FMNL2: variants seen among roughly 807,000 people sequenced by gnomAD.
The protein encoded by FMNL2 is formin-like protein 2.
FMNL2 carries 51 observed loss-of-function variants against 130.2 expected under a neutral mutation model. That is an observed-to-expected ratio of 0.39 (90% CI 0.31 to 0.49). The LOEUF (loss-of-function observed/expected upper bound fraction) is 0.49. FMNL2 is among the 20% of genes least tolerant of loss of function. FMNL2 has a pLI of 0.85. For synonymous variants in FMNL2, 465 were observed against 467.1 expected, an observed-to-expected ratio of 1.00 and a Z score of 0.06; for missense variants, 977 against 1,316.2, an observed-to-expected ratio of 0.74 and a Z score of 3.99.
At chr2:152,389,654 G>A (rs1684986713) in intron 1 of FMNL2, among the ~76,000 whole-genome samples, 2 of 152,220 alleles carry the variant, frequency 1.3e-5, no homozygotes, top group African/African-American at 4.8e-5. Flanking sequence ...GCAGACCTCA[G>A]GACGTGGATC....
At chr2:152,490,736 GA>G (rs199564236) in intron 1 of FMNL2, among the ~76,000 whole-genome samples, 1,350 of 116,856 alleles carry the variant, frequency 0.012, 6 homozygotes, top group African/African-American at 0.022. Context: ...GGAGTTTAAG[GA>G]AAAAAAAAAA....
intron 1 of FMNL2, among the ~76,000 whole-genome samples, chr2:152,356,969 TTAAA>T (rs1202078627): frequency 6.7e-6 from 1 of 148,920 alleles, no homozygotes; most frequent in Non-Finnish European, 1.5e-5. Context: ...ACGATAAATA[TTAAA>T]TAAGTTTAAT....
intron 1 of FMNL2, among the ~76,000 whole-genome samples, chr2:152,468,816 T>C (rs1471914432): frequency 6.6e-6 from 1 of 152,188 alleles, no homozygotes; most frequent in African/African-American, 2.4e-5. Flanking sequence ...AAGCAAGTGC[T>C]CAAAAGATAA....
intron 1 of FMNL2, among the ~76,000 whole-genome samples, chr2:152,364,441 T>C (rs1683396432): frequency 6.6e-6 from 1 of 152,182 alleles, no homozygotes; most frequent in Non-Finnish European, 1.5e-5. Flanking sequence ...CTTTATTGCC[T>C]GCCTTTGCAT....
intron 1 of FMNL2, among the ~76,000 whole-genome samples, chr2:152,396,058 A>G (rs1685376974): frequency 6.6e-6 from 1 of 152,214 alleles, no homozygotes. Flanking sequence ...GAAGTCTTTA[A>G]CGTGGTTCTG....
In FMNL2 at chr2:152,648,478, T is replaced by C. The variant is rs974824811; in HGVS notation, c.*573T>C. The C allele has an allele frequency of 6.5e-6, 1 of 154,080 alleles. No individual in the cohort carries two copies. Among genetic ancestry groups the C allele is most frequent in the African/African-American group, 2.4e-5 (1 of 41,472 alleles). The allele number at this position is 154,080 out of a possible 1,614,324, so 9.5% of individuals were successfully genotyped here. ...ATCCTTTGTTTCCAGTTTCACATTC[T>C]ACTACTTCTGCGCTAGAGAACGATG... On this transcript the variant is annotated 3_prime_UTR_variant, in exon 26 of 26. Coordinates refer to ENST00000288670, the MANE Select transcript of FMNL2 (RefSeq NM_052905.4).
At chr2:152,335,922 G>A (rs1238996040) in intron 1 of FMNL2, among the ~76,000 whole-genome samples, 1 of 151,566 alleles carries the variant, frequency 6.6e-6, no homozygotes, top group Non-Finnish European at 1.5e-5. Flanking sequence ...TCGGGGTCCC[G>A]GGATGGGGAT....
At chr2:152,450,940 G>A (rs563999541) in intron 1 of FMNL2, among the ~76,000 whole-genome samples, 3 of 152,310 alleles carry the variant, frequency 2.0e-5, no homozygotes, top group South Asian at 4.1e-4. Flanking sequence ...GTGGCAGGTC[G>A]CTGGGTCTCC....
At chr2:152,608,518 T>C (rs1005827138) in intron 10 of FMNL2, among the ~76,000 whole-genome samples, 6 of 149,290 alleles carry the variant, frequency 4.0e-5, no homozygotes, top group South Asian at 2.1e-4. Context: ...TCAAAGTGTG[T>C]GTGTCTATAT....
chr2:152,649,305 G>C lies in FMNL2; in HGVS notation c.*1400G>C, dbSNP rs901236555. On this transcript the variant is annotated 3_prime_UTR_variant, in exon 26 of 26. Transcript: ENST00000288670. ...TCTTTAATTCCCACCTAAGCCTCTG[G>C]GTAATATTGTAAATATTGTTTTAAA... 1 of 152,192 alleles carries C rather than the reference G, an allele frequency of 6.6e-6. No homozygotes were observed. The highest frequency in any genetic ancestry group is 1.5e-5 in the Non-Finnish European group (1 of 67,950). 9.4% of individuals were successfully genotyped at this position (152,192 alleles called of 1,614,324 possible).
intron 1 of FMNL2, among the ~76,000 whole-genome samples, chr2:152,360,344 T>C (rs1469652949): frequency 6.6e-6 from 1 of 152,172 alleles, no homozygotes; most frequent in Non-Finnish European, 1.5e-5. Context: ...CTCTTCTTTT[T>C]CTTTTTTGAC....
At chr2:152,460,516 G>A (rs1450184699) in intron 1 of FMNL2, among the ~76,000 whole-genome samples, 1 of 152,226 alleles carries the variant, frequency 6.6e-6, no homozygotes, top group African/African-American at 2.4e-5. Context: ...GCCAGTATTT[G>A]TTGAATATCT....
At chr2:152,412,174 C>G (rs936057077) in intron 1 of FMNL2, among the ~76,000 whole-genome samples, 4 of 151,810 alleles carry the variant, frequency 2.6e-5, no homozygotes, top group African/African-American at 9.7e-5. Flanking sequence ...TGGCTTTTTC[C>G]TCTTAGTATT....
intron 1 of FMNL2, among the ~76,000 whole-genome samples, chr2:152,430,950 G>A (rs773923214): frequency 6.6e-6 from 1 of 151,884 alleles, no homozygotes; most frequent in Non-Finnish European, 1.5e-5. Flanking sequence ...TATTTTTGCT[G>A]ATTGATGTTT....
rs190940321 is a variant in FMNL2 at position 152,592,109 on chromosome 2, A to G, written c.876+11060A>G. 2.6e-5 allele frequency among the ~76,000 whole-genome samples: 4 copies of G among 152,324 alleles called. No individual in the cohort carries two copies. In the East Asian group the frequency reaches 7.7e-4, roughly 29 times the overall value. ...AGAGCGAGACTTCGTCTCAAAAAAA[A>G]AGAAAAGATAACTCATGATTTCCGT... is the stretch of plus-strand genomic sequence containing the variant. On this transcript the variant is annotated intron_variant, in intron 9 of 25. Coordinates refer to ENST00000288670, the MANE Select transcript of FMNL2 (RefSeq NM_052905.4).
intron 1 of FMNL2, among the ~76,000 whole-genome samples, chr2:152,369,266 C>T (rs1683735996): frequency 6.6e-6 from 1 of 152,186 alleles, no homozygotes; most frequent in Non-Finnish European, 1.5e-5. Context: ...TCACTAATTG[C>T]TTCCTATCAC....
intron 1 of FMNL2, among the ~76,000 whole-genome samples, chr2:152,397,751 A>C (rs1362745348): frequency 2.0e-5 from 3 of 152,090 alleles, no homozygotes; most frequent in Admixed American, 2.0e-4. Flanking sequence ...ATAAGTGGAC[A>C]CAATACCACT....
chr2:152,350,173 G>T lies in FMNL2; in HGVS notation c.117+14453G>T, dbSNP rs114832939. Among the ~76,000 whole-genome samples, 424 of 152,256 alleles carry T rather than the reference G, an allele frequency of 2.8e-3. 3 individuals are homozygous for T. Among genetic ancestry groups the T allele is most frequent in the African/African-American group, 1.0e-2 (415 of 41,554 alleles). On this transcript the variant is annotated intron_variant, in intron 1 of 25. Transcript: ENST00000288670. The stretch of plus-strand genomic sequence containing the variant: ...AGGAGCAGGCAGCTAGTGTGATCAG[G>T]TAAGAGCCCTCGGGAGGGAGGAGTA...
chr2:152,505,532 T>G (rs1341482737), intron 1 of FMNL2, among the ~76,000 whole-genome samples: 1 of 152,220 alleles, frequency 6.6e-6, no homozygotes. Flanking sequence ...CCCAAGTCAT[T>G]ACTTGGCTTA....
Sources: allele counts gnomAD v4.1 joint callset (sites outside exome capture counted in the v4.1 genomes callset), GRCh38; gene constraint gnomAD v4.1.1; transcripts MANE v1.5; gene names NCBI Gene and HGNC (gene_info 2026-07-23, HGNC 2026-07-21).